Variants in DBF4B observed in about 807,000 individuals in gnomAD.
The protein encoded by DBF4B is DBF4B-CDC7 kinase regulatory subunit.
A neutral mutation model predicts 53.4 loss-of-function variants in DBF4B; 49 were observed. The ratio of observed to expected loss-of-function variants is 0.92; its 90% CI spans 0.73 to 1.16. The LOEUF (loss-of-function observed/expected upper bound fraction) is 1.16, where lower values mean the gene tolerates loss of function less well. Ranked by LOEUF, DBF4B falls within the 50% of genes most tolerant of loss-of-function variation. The pLI is 0.00. For synonymous variants in DBF4B, 257 were observed against 288.7 expected (o/e 0.89, Z 1.11); for missense variants, 692 against 775.0 (o/e 0.89, Z 1.27).
chr17:44,713,277 G>A (rs1347639172), intron 2 of DBF4B, among the ~76,000 whole-genome samples: 1 of 149,288 alleles, frequency 6.7e-6, no homozygotes, highest in Non-Finnish European at 1.5e-5. Flanking sequence ...TCCTGACCTC[G>A]TGATCCACCT....
chr17:44,725,681 C>CTTTTTTTTTTTTTTTTTTTTTTTTTT (rs1568172432), intron 3 of DBF4B, among the ~76,000 whole-genome samples: 1 of 79,096 alleles, frequency 1.3e-5, no homozygotes, highest in Non-Finnish European at 2.5e-5. Flanking sequence ...TTTTTTTGTG[C>CTTTTTTTTTTTTTTTTTTTTTTTTTT]TTCTTTTTTT....
chr17:44,746,983 T>C (rs1361200405), intron 10 of DBF4B, 100 bp from the exon 11 acceptor site: 8 of 1,115,458 alleles, frequency 7.2e-6, no homozygotes, highest in Non-Finnish European at 9.4e-6. Context: ...GCCATCTTGG[T>C]CCTTCCCCTC....
intron 12 of DBF4B, 107 bp from the exon 13 acceptor site, chr17:44,748,234 T>C: frequency 6.9e-7 from 1 of 1,442,646 alleles, no homozygotes; most frequent in South Asian, 1.4e-5. Context: ...GGCAGCTCTC[T>C]CGGCACATGA....
intron 2 of DBF4B, among the ~76,000 whole-genome samples, chr17:44,712,040 T>C (rs1170782225): frequency 6.8e-6 from 1 of 146,648 alleles, no homozygotes; most frequent in East Asian, 2.1e-4. Flanking sequence ...GAGGTTGCAG[T>C]GAGCCGAGAC....
Position 44,749,733 on chromosome 17 carries a change from GTCCTGGCCCGGCT to G in DBF4B, c.1190-852_1190-840del, listed in dbSNP as rs1436754434. On this transcript the variant is annotated intron_variant, in intron 13 of 13. Transcript: ENST00000315005. This position sits in a 1 kb window ranked among gnomAD's most constrained non-coding sequence, Gnocchi z 4.4. ...CCACAAAGGAGCTGGGGCAGCAGGA[GTCCTGGCCCGGCT>G]TCCTGGCCCTCCACAGGCCCTTGCC... The G allele has an allele frequency of 4.4e-6, 5 of 1,128,448 alleles. No homozygotes were observed. Among genetic ancestry groups the G allele is most frequent in the African/African-American group, 1.6e-5 (1 of 61,848 alleles). 69.9% of individuals were successfully genotyped at this position (1,128,448 alleles called of 1,614,324 possible). A position where few individuals can be genotyped will look rare whatever the true frequency, so the allele number is the denominator to read the frequency against.
At chr17:44,710,976 A>ATTTTTTTTTTTTTTTTTTTTTTTTTTTTT (rs10522434) in intron 2 of DBF4B, among the ~76,000 whole-genome samples, 1 of 98,304 alleles carries the variant, frequency 1.0e-5, no homozygotes, top group Non-Finnish European at 1.9e-5. Context: ...TTCCAGTTTG[A>ATTTTTTTTTTTTTTTTTTTTTTTTTTTTT]TTTTTTTTTT....
chr17:44,722,736 G>A (rs1973956938), intron 2 of DBF4B, 144 bp from the exon 3 acceptor site: 4 of 834,054 alleles, frequency 4.8e-6, no homozygotes, highest in South Asian at 1.9e-5. Flanking sequence ...TGAGGGTAAG[G>A]GCATTGGCTT....
chr17:44,734,102 A>G lies in DBF4B; in HGVS notation c.569A>G (p.His190Arg). 1 of 1,614,158 alleles carries G rather than the reference A, an allele frequency of 6.2e-7. No individual in the cohort carries two copies. Among genetic ancestry groups the G allele is most frequent in the East Asian group, 2.2e-5 (1 of 44,882 alleles). ...GTCTTCTCCACAGAAATGATGATGC[A>G]CGTGCAACAGCTGTCTCTTGCGTCT... ...RILHVDEMMM[H>R]VQQLSLASLC... The change falls in exon 7 of 14, where the codon CAC becomes CGC. Residue 190 changes from histidine to arginine, a missense_variant. Physicochemically the swap from His to Arg is conservative, Grantham distance 29. Coordinates refer to ENST00000315005, the MANE Select transcript of DBF4B (RefSeq NM_145663.3).
chr17:44,747,540 A>G, intron 12 of DBF4B, 25 bp downstream of exon 12: 1 of 1,612,422 alleles, frequency 6.2e-7, no homozygotes, highest in Non-Finnish European at 8.5e-7. Flanking sequence ...GGCAGGCACA[A>G]CTGTGTCTGC....
intron 6 of DBF4B, chr17:44,732,726 C>T (rs1808244): frequency 0.16 from 24,749 of 155,602 alleles, 2,019 homozygotes; most frequent in Middle Eastern, 0.22. Context: ...ATTAGCCGAG[C>T]CTGGTGGTGC....
chr17:44,734,413 C>T (rs938189897), intron 7 of DBF4B, among the ~76,000 whole-genome samples: 5 of 152,206 alleles, frequency 3.3e-5, no homozygotes, highest in African/African-American at 1.2e-4. Context: ...ATGGCCTGGA[C>T]TGCCTGGGCC....
intron 3 of DBF4B, among the ~76,000 whole-genome samples, chr17:44,726,213 T>G (rs1045129993): frequency 5.3e-5 from 8 of 151,930 alleles, no homozygotes; most frequent in African/African-American, 1.9e-4. Context: ...GGTCTCGAAC[T>G]TCTGACCTCA....
rs2049279658 is a variant in DBF4B, at chr17:44,751,660, T to G, written c.*407T>G. On this transcript the variant is annotated 3_prime_UTR_variant, in exon 14 of 14. Transcript: ENST00000315005. The stretch of plus-strand genomic sequence containing the variant: ...CTTCAAATACTTGAAGGCTCCCACC[T>G]TCTGTTCTCTGGCTCCTTCCTGCGG... 7.2e-7 allele frequency: 1 copy of G among 1,392,582 alleles called. No homozygotes were observed. The highest frequency in any genetic ancestry group is 1.5e-5 in the African/African-American group (1 of 68,934). The allele number at this position is 1,392,582 out of a possible 1,614,324, so 86.3% of individuals were successfully genotyped here.
At chr17:44,710,168 G>A (rs1972736504) in intron 2 of DBF4B, among the ~76,000 whole-genome samples, 3 of 151,454 alleles carry the variant, frequency 2.0e-5, no homozygotes, top group South Asian at 2.1e-4. Context: ...GCGAGACTCC[G>A]TCTCAAAAAA....
At position 44,751,578 on chromosome 17, in the gene DBF4B, G is replaced by A. The variant is rs1178135164; in HGVS notation, c.*325G>A. On this transcript the variant is annotated 3_prime_UTR_variant, in exon 14 of 14. Transcript: ENST00000315005. ...CTCAGACTTGCCACCTTTCCCCTCT[G>A]CCCCAAAATGCCATGCTCCTCTCCT... is the stretch of plus-strand genomic sequence containing the variant. 2 of 1,335,122 alleles carry A rather than the reference G, an allele frequency of 1.5e-6. No individual in the cohort carries two copies. Among genetic ancestry groups the A allele is most frequent in the Non-Finnish European group, 1.9e-6 (2 of 1,043,620 alleles). The allele number at this position is 1,335,122 out of a possible 1,614,324, so 82.7% of individuals were successfully genotyped here.
At chr17:44,746,816 CA>C (rs537023750) in intron 10 of DBF4B, among the ~76,000 whole-genome samples, 22,020 of 124,798 alleles carry the variant, frequency 0.18, 1,619 homozygotes, top group South Asian at 0.3. Context: ...TAGACTCTCT[CA>C]AAAAAAAAAA....
chr17:44,752,209 G>A lies in DBF4B; in HGVS notation c.*956G>A, dbSNP rs2049289707. 4 of 546,234 alleles carry A rather than the reference G, an allele frequency of 7.3e-6. No homozygotes were observed. Among genetic ancestry groups the A allele is most frequent in the South Asian group, 6.3e-5 (3 of 47,664 alleles). The allele number at this position is 546,234 out of a possible 1,614,324, so 33.8% of individuals were successfully genotyped here. ...TCAGTTTCCTCGTCTTTAAGTAAGG[G>A]GCTTGGATGAGATGATTTCAGGACC... On this transcript the variant is annotated 3_prime_UTR_variant, in exon 14 of 14. Coordinates refer to ENST00000315005, the MANE Select transcript of DBF4B (RefSeq NM_145663.3).
At chr17:44,722,539 G>A (rs1312608551) in intron 2 of DBF4B, among the ~76,000 whole-genome samples, 1 of 152,092 alleles carries the variant, frequency 6.6e-6, no homozygotes, top group East Asian at 1.9e-4. Flanking sequence ...TGTGAATCTC[G>A]GCCCTCTTTT....
rs1974682617 is a variant in DBF4B at position 44,729,824 on chromosome 17, G to A, written c.226-81G>A. On this transcript the variant is annotated intron_variant, in intron 3 of 13. Coordinates refer to ENST00000315005, the MANE Select transcript of DBF4B (RefSeq NM_145663.3). ...TGATTCTGGAACTCCTGGCAGCCAA[G>A]ATTTCCTTCTCCAGCCTCTTTATAT... 17 of 1,493,634 alleles carry A rather than the reference G, an allele frequency of 1.1e-5. No homozygotes were observed. In the South Asian group the frequency reaches 2.1e-4, roughly 18 times the overall value. 92.5% of individuals were successfully genotyped at this position (1,493,634 alleles called of 1,614,324 possible).
Sources: allele counts gnomAD v4.1 joint callset (sites outside exome capture counted in the v4.1 genomes callset), GRCh38; gene constraint gnomAD v4.1.1; non-coding constraint Gnocchi (gnomAD v3.1); transcripts MANE v1.5; gene names NCBI Gene and HGNC (gene_info 2026-07-23, HGNC 2026-07-21).